LRGUK: variants seen among roughly 807,000 people sequenced by gnomAD.
LRGUK encodes leucine rich repeats and guanylate kinase domain containing, also known as leucine-rich repeat and guanylate kinase domain-containing protein.
A neutral mutation model predicts 76.0 loss-of-function variants in LRGUK; 65 were observed. That is an observed-to-expected ratio of 0.85 (90% CI 0.70 to 1.05). The LOEUF (loss-of-function observed/expected upper bound fraction) is 1.05. Among genes scored for constraint, LRGUK ranks in the 50% least tolerant of loss-of-function variants. The pLI is 0.00. For synonymous variants in LRGUK, 268 were observed against 265.6 expected (o/e 1.01, Z -0.09); for missense variants, 758 against 732.8 (o/e 1.03, Z -0.40).
At chr7:134,218,150 T>TG (rs1253839461) in intron 15 of LRGUK, among the ~76,000 whole-genome samples, 1 of 152,124 alleles carries the variant, frequency 6.6e-6, no homozygotes, top group Non-Finnish European at 1.5e-5. Flanking sequence ...TTAGTAGAGA[T>TG]GGGGTTTTGC....
At chr7:134,158,125 G>C (rs2116911322) in exon 6 of LRGUK, 2 of 1,612,756 alleles carry the variant, frequency 1.2e-6, no homozygotes, top group East Asian at 4.5e-5. Flanking sequence ...ACAATTAATG[G>C]CTTAAACAAG....
chr7:134,266,353 T>C (rs1802855427), downstream of LRGUK, among the ~76,000 whole-genome samples: 1 of 152,138 alleles, frequency 6.6e-6, no homozygotes, highest in Non-Finnish European at 1.5e-5. Flanking sequence ...GTAGCAATCA[T>C]AAAAATGCTT....
Position 134,174,547 on chromosome 7 carries a change from A to C in LRGUK, c.940-9A>C, listed in dbSNP as rs564434093. The C allele has an allele frequency of 1.1e-5, 17 of 1,570,206 alleles. No individual in the cohort carries two copies. The East Asian group carries it at 3.8e-4, about 35-fold the overall frequency. On this transcript the variant is annotated splice_polypyrimidine_tract_variant and intron_variant, in intron 7 of 15. Transcript: ENST00000645682. ...AGTCTGTTGATAATTTTTTTCTTTG[A>C]TTGAACAGATTGCTGAGCTGAGAGA...
the LRGUK span, among the ~76,000 whole-genome samples, chr7:134,275,756 GA>G: frequency 6.6e-6 from 1 of 152,082 alleles, no homozygotes; most frequent in South Asian, 2.1e-4. Flanking sequence ...CCAATTTCTA[GA>G]GAGCACTAAG....
intron 18 of LRGUK, among the ~76,000 whole-genome samples, chr7:134,257,656 A>G (rs1802618366): frequency 6.6e-6 from 1 of 152,040 alleles, no homozygotes; most frequent in African/African-American, 2.4e-5. Context: ...AAATACAAAA[A>G]TTAGCCAGGC....
chr7:134,257,786 A>G (rs1173839251), intron 18 of LRGUK, among the ~76,000 whole-genome samples: 2 of 151,990 alleles, frequency 1.3e-5, no homozygotes, highest in African/African-American at 2.4e-5. Flanking sequence ...TCTGGGTGAC[A>G]GAATAAGACT....
intron 10 of LRGUK, among the ~76,000 whole-genome samples, chr7:134,179,752 A>G (rs1173423055): frequency 1.3e-5 from 2 of 152,226 alleles, no homozygotes; most frequent in Non-Finnish European, 2.9e-5. Flanking sequence ...CTGTCAGGAA[A>G]ACAAGAATAA....
At chr7:134,226,217 A>AGTGTGTGT (rs1563191700) in intron 16 of LRGUK, among the ~76,000 whole-genome samples, 1 of 92,180 alleles carries the variant, frequency 1.1e-5, no homozygotes, top group African/African-American at 7.2e-5. Flanking sequence ...TCCCATCTCC[A>AGTGTGTGT]ATGTGTGTGT....
chr7:134,174,756 G>A (rs1799413832), intron 8 of LRGUK, 120 bp downstream of exon 8: 2 of 679,642 alleles, frequency 2.9e-6, no homozygotes, highest in Non-Finnish European at 5.2e-6. Flanking sequence ...TGTGAATAGA[G>A]TTTGTCTATC....
chr7:134,245,971 T>C (rs1802290208), intron 16 of LRGUK, among the ~76,000 whole-genome samples: 1 of 152,168 alleles, frequency 6.6e-6, no homozygotes, highest in African/African-American at 2.4e-5. Context: ...CCCCTGACTT[T>C]CCCAATACAA....
downstream of LRGUK, among the ~76,000 whole-genome samples, chr7:134,267,519 A>G (rs1802877088): frequency 6.6e-6 from 1 of 152,150 alleles, no homozygotes; most frequent in Admixed American, 6.5e-5. Flanking sequence ...GTGGGAGATA[A>G]TTGAATCATG....
intron 12 of LRGUK, among the ~76,000 whole-genome samples, chr7:134,196,331 G>A (rs73441321): frequency 0.01 from 1,556 of 150,404 alleles, 33 homozygotes; most frequent in African/African-American, 0.037. Context: ...AGGGAATACC[G>A]TTTTTGGAAG....
chr7:134,193,832 C>G (rs1294667054), intron 12 of LRGUK, among the ~76,000 whole-genome samples: 1 of 152,128 alleles, frequency 6.6e-6, no homozygotes, highest in Non-Finnish European at 1.5e-5. Context: ...TCCTCCATTA[C>G]AGCAGGCCCA....
chr7:134,228,736 G>C (rs1330988715), intron 16 of LRGUK, among the ~76,000 whole-genome samples: 1 of 152,106 alleles, frequency 6.6e-6, no homozygotes, highest in African/African-American at 2.4e-5. Flanking sequence ...AAATGTTCTA[G>C]AATCCTTGCA....
intron 18 of LRGUK, among the ~76,000 whole-genome samples, chr7:134,255,649 T>C (rs939220144): frequency 1.3e-5 from 2 of 152,212 alleles, no homozygotes; most frequent in South Asian, 4.1e-4. Context: ...ATCTCCGACA[T>C]AATTCACATT....
chr7:134,152,577 C>G (rs988678903), intron 5 of LRGUK, among the ~76,000 whole-genome samples: 1 of 152,048 alleles, frequency 6.6e-6, no homozygotes, highest in Non-Finnish European at 1.5e-5. Context: ...TTTAAGAAAT[C>G]TAAACATACC....
chr7:134,129,297 C>T (rs1273663674), intron 1 of LRGUK, among the ~76,000 whole-genome samples: 2 of 127,180 alleles, frequency 1.6e-5, no homozygotes, highest in Non-Finnish European at 3.4e-5. Context: ...CTCTGTCTCT[C>T]TTTCTTTCTT....
chr7:134,159,564 G>A (rs113618038), intron 6 of LRGUK, among the ~76,000 whole-genome samples: 2 of 152,170 alleles, frequency 1.3e-5, no homozygotes, highest in Non-Finnish European at 2.9e-5. Context: ...GCTAAGGCGG[G>A]TGGATCATGA....
chr7:134,172,694 C>T (rs1401979120), intron 7 of LRGUK, among the ~76,000 whole-genome samples: 1 of 152,094 alleles, frequency 6.6e-6, no homozygotes, highest in Admixed American at 6.6e-5. Flanking sequence ...AAAACAAGAG[C>T]AGGCCAGTGT....
Sources: gnomAD v4.1 joint callset for allele counts (sites outside exome capture counted in the v4.1 genomes callset) on GRCh38, gnomAD v4.1.1 for gene constraint, MANE v1.5 for transcripts, NCBI Gene and HGNC (gene_info 2026-07-23, HGNC 2026-07-21) for gene names.